EIF4E3: variants seen among roughly 807,000 people sequenced by gnomAD.
EIF4E3 encodes eukaryotic translation initiation factor 4E type 3.
EIF4E3 carries 26 observed loss-of-function variants against 31.7 expected under a neutral mutation model. That is an observed-to-expected ratio of 0.82 (90% CI 0.60 to 1.14). The LOEUF is 1.14. EIF4E3 is among the 50% of genes most tolerant of loss of function. The probability of loss-of-function intolerance (pLI) is 0.00; values close to 1 mark genes in which losing one functional copy is unlikely to be tolerated. For missense variants in EIF4E3, 304 were observed against 270.9 expected, an observed-to-expected ratio of 1.12 and a Z score of -0.86; for synonymous variants, 128 against 107.7, an observed-to-expected ratio of 1.19 and a Z score of -1.17.
chr3:71,673,459 G>A (rs889749984), downstream of EIF4E3, among the ~76,000 whole-genome samples: 2 of 151,936 alleles, frequency 1.3e-5, no homozygotes, highest in African/African-American at 4.8e-5. Context: ...TGAATTCAGT[G>A]TCTAAGCTAT....
At chr3:71,689,604 C>A (rs1228618899) in intron 6 of EIF4E3, among the ~76,000 whole-genome samples, 1 of 152,112 alleles carries the variant, frequency 6.6e-6, no homozygotes, top group Non-Finnish European at 1.5e-5. Flanking sequence ...TCTGCAAATA[C>A]AGATGTTATA....
At chr3:71,716,006 T>C (rs1355479037) in intron 1 of EIF4E3, among the ~76,000 whole-genome samples, 1 of 152,138 alleles carries the variant, frequency 6.6e-6, no homozygotes, top group Non-Finnish European at 1.5e-5. Flanking sequence ...ATTGTCAGCA[T>C]AGGTGTCCCA....
intron 2 of EIF4E3, 148 bp from the exon 3 acceptor site, chr3:71,699,856 T>A: frequency 1.5e-6 from 1 of 649,570 alleles, no homozygotes; most frequent in Non-Finnish European, 2.6e-6. Flanking sequence ...CCCTTCTAAT[T>A]CTCTGTTAGA....
At chr3:71,721,831 G>T (rs1460159085) in intron 1 of EIF4E3, among the ~76,000 whole-genome samples, 1 of 152,092 alleles carries the variant, frequency 6.6e-6, no homozygotes, top group Non-Finnish European at 1.5e-5. Flanking sequence ...TAATATGGAA[G>T]GTCTGAGAAG....
At chr3:71,695,352 C>T (rs558182031) in intron 4 of EIF4E3, among the ~76,000 whole-genome samples, 7 of 152,192 alleles carry the variant, frequency 4.6e-5, no homozygotes, top group Non-Finnish European at 7.3e-5. Flanking sequence ...TGTGACCCAA[C>T]GCAGCCAAGT....
chr3:71,721,915 C>T (rs1397938168), intron 1 of EIF4E3, among the ~76,000 whole-genome samples: 1 of 151,956 alleles, frequency 6.6e-6, no homozygotes. Flanking sequence ...GCACTCCAAG[C>T]AGTAGGGGGT....
rs2048953224 is a variant in EIF4E3 at position 71,683,746 on chromosome 3, T to C, written c.*936A>G. On this transcript the variant is annotated 3_prime_UTR_variant, in exon 7 of 7. Transcript: ENST00000425534. ...ACAATGTGAGCAGGGAAAGGGATCATTTAACAAAATGTGTTAGCGTTGACT... is the reference window on the plus strand; with the variant it reads ...ACAATGTGAGCAGGGAAAGGGATCACTTAACAAAATGTGTTAGCGTTGACT... 2.6e-5 allele frequency: 4 copies of C among 152,218 alleles called. No individual in the cohort carries two copies. The highest frequency in any genetic ancestry group is 2.1e-4 in the South Asian group (1 of 4,834). The allele number at this position is 152,218 out of a possible 1,614,324, so 9.4% of individuals were successfully genotyped here.
At chr3:71,750,031 T>C (rs564167713) in intron 1 of EIF4E3, among the ~76,000 whole-genome samples, 11 of 152,358 alleles carry the variant, frequency 7.2e-5, no homozygotes, top group African/African-American at 2.2e-4. Flanking sequence ...GCTTCTGCTA[T>C]TTGAGCCTGG....
At position 71,720,014 on chromosome 3, in the gene EIF4E3, A is replaced by AATAT. The variant is rs556321292; in HGVS notation, c.176+5174_176+5177dup. ...GGGTAACAGAGAATGCCTGTCTCAA[A>AATAT]ATATATATATATATTCATATCTTAT... On this transcript the variant is annotated intron_variant, in intron 1 of 6. Transcript: ENST00000425534. Among the ~76,000 whole-genome samples, 1,270 of 151,256 alleles carry AATAT rather than the reference A, an allele frequency of 8.4e-3. 12 individuals carry two copies. The highest frequency in any genetic ancestry group is 0.029 in the African/African-American group (1,211 of 41,230).
intron 1 of EIF4E3, among the ~76,000 whole-genome samples, chr3:71,736,583 T>C (rs533244777): frequency 1.3e-5 from 2 of 152,312 alleles, no homozygotes; most frequent in African/African-American, 2.4e-5. Flanking sequence ...CCAACTAACA[T>C]AACATTGCAG....
chr3:71,662,088 T>C, the EIF4E3 span, among the ~76,000 whole-genome samples: 1 of 152,224 alleles, frequency 6.6e-6, no homozygotes, highest in Non-Finnish European at 1.5e-5. Context: ...ATTATAATTA[T>C]TGCTTAATTT....
intron 2 of EIF4E3, among the ~76,000 whole-genome samples, chr3:71,706,384 G>A (rs975189521): frequency 6.6e-6 from 1 of 152,132 alleles, no homozygotes; most frequent in African/African-American, 2.4e-5. Flanking sequence ...GGGCCTCAAA[G>A]TATAAAAAGA....
chr3:71,690,067 A>G lies in EIF4E3; in HGVS notation c.571T>C (p.Leu191=), dbSNP rs1246289485. 6.2e-7 allele frequency: 1 copy of G among 1,614,014 alleles called. No individual in the cohort carries two copies. The highest frequency in any genetic ancestry group is 8.5e-7 in the Non-Finnish European group (1 of 1,179,958). Residue 191 remains leucine (L), a synonymous_variant, in exon 6 of 7, where the codon TTA becomes CTA. Transcript: ENST00000425534. The part of the protein sequence containing the change: ...NASLVGEATV[L]EKIYELLPHI... ...GGCAGAAGTTCATAGATCTTTTCTA[A>G]AACAGTCGCTTCACCCACTAAAGAG...
the EIF4E3 span, among the ~76,000 whole-genome samples, chr3:71,669,956 A>C: frequency 6.6e-6 from 1 of 152,210 alleles, no homozygotes; most frequent in Non-Finnish European, 1.5e-5. Context: ...AGAGGCATAA[A>C]CCGTCCTTGA....
chr3:71,737,359 C>T (rs2049774161), intron 1 of EIF4E3, among the ~76,000 whole-genome samples: 1 of 152,176 alleles, frequency 6.6e-6, no homozygotes, highest in Non-Finnish European at 1.5e-5. Context: ...ATCTGGTGTA[C>T]AAAACATATG....
chr3:71,724,154 C>T (rs1178943334), intron 1 of EIF4E3, among the ~76,000 whole-genome samples: 2 of 152,180 alleles, frequency 1.3e-5, no homozygotes, highest in African/African-American at 4.8e-5. Context: ...TTTCCAAATG[C>T]TCTTGGGACA....
At chr3:71,697,961 T>C (rs1301180438) in intron 3 of EIF4E3, among the ~76,000 whole-genome samples, 1 of 152,202 alleles carries the variant, frequency 6.6e-6, no homozygotes, top group Non-Finnish European at 1.5e-5. Flanking sequence ...CTAACAGTCC[T>C]ATGTTTAGTC....
intron 1 of EIF4E3, among the ~76,000 whole-genome samples, chr3:71,739,465 G>C (rs2049798141): frequency 6.6e-6 from 1 of 152,062 alleles, no homozygotes; most frequent in Non-Finnish European, 1.5e-5. Flanking sequence ...GGAGGCCAAG[G>C]CCAGAGGATC....
At chr3:71,746,428 A>G (rs942346645) in intron 1 of EIF4E3, among the ~76,000 whole-genome samples, 3 of 152,230 alleles carry the variant, frequency 2.0e-5, no homozygotes, top group African/African-American at 4.8e-5. Context: ...TCAAAGCCCC[A>G]AAGCACGTAA....
Sources: allele counts gnomAD v4.1 joint callset (sites outside exome capture counted in the v4.1 genomes callset), GRCh38; gene constraint gnomAD v4.1.1; transcripts MANE v1.5; gene names NCBI Gene and HGNC (gene_info 2026-07-23, HGNC 2026-07-21).